ZDHHC11: variants seen among roughly 807,000 people sequenced by gnomAD.
ZDHHC11 encodes the protein palmitoyltransferase ZDHHC11.
A neutral mutation model predicts 51.3 loss-of-function variants in ZDHHC11; 44 were observed. The observed-to-expected ratio is 0.86, with a 90% CI of 0.67 to 1.10. The LOEUF (loss-of-function observed/expected upper bound fraction) is 1.10. ZDHHC11 is among the 50% of genes least tolerant of loss of function. ZDHHC11 has a pLI of 0.00. For synonymous variants in ZDHHC11, 163 were observed against 222.0 expected, an observed-to-expected ratio of 0.73 and a Z score of 2.36; for missense variants, 400 against 537.7, an observed-to-expected ratio of 0.74 and a Z score of 2.53.
At chr5:828,531 A>G (rs1228208022) in intron 7 of ZDHHC11, among the ~76,000 whole-genome samples, 4 of 151,404 alleles carry the variant, frequency 2.6e-5, no homozygotes, top group African/African-American at 9.7e-5. Context: ...AAGAAATGAG[A>G]CTGATGAAAA....
rs1267421301 is a variant in ZDHHC11 at position 847,434 on chromosome 5, A to T, written c.503+80T>A. On this transcript the variant is annotated intron_variant, in intron 3 of 12. Coordinates refer to ENST00000283441, the MANE Select transcript of ZDHHC11 (RefSeq NM_024786.3). ...GAGGACCCTCCACCCTTTCAACACG[A>T]TGACCCCTGCCCACAGACCCCTCCC... is the stretch of plus-strand genomic sequence containing the variant. 149 of 1,557,826 alleles carry T rather than the reference A, an allele frequency of 9.6e-5. 3 individuals are homozygous for T. In the Admixed American group the frequency reaches 1.1e-3, roughly 12 times the overall value.
upstream of ZDHHC11, among the ~76,000 whole-genome samples, chr5:853,013 TGGAGGACAGC>T (rs1747513416): frequency 4.3e-5 from 2 of 47,014 alleles, no homozygotes; most frequent in Non-Finnish European, 8.5e-5. Context: ...ACAGACCCCA[TGGAGGACAGC>T]GAGCAGCGGG....
intron 9 of ZDHHC11, among the ~76,000 whole-genome samples, chr5:820,621 C>A (rs1209432894): frequency 6.6e-6 from 1 of 151,014 alleles, no homozygotes; most frequent in African/African-American, 2.4e-5. Context: ...ATGGTGGAGA[C>A]TCTGACTTCC....
intron 6 of ZDHHC11, among the ~76,000 whole-genome samples, chr5:836,558 A>G (rs1405898956): frequency 1.3e-5 from 2 of 149,790 alleles, no homozygotes; most frequent in African/African-American, 4.9e-5. Flanking sequence ...GTCTGTGTGT[A>G]GGTTGTATTG....
In ZDHHC11 at chr5:850,683, G is replaced by A. The variant is rs1747069280; in HGVS notation, c.-81C>T. On this transcript the variant is annotated 5_prime_UTR_variant, in exon 1 of 13. Coordinates refer to ENST00000283441, the MANE Select transcript of ZDHHC11 (RefSeq NM_024786.3). ...CGCCCACTGTCACAGAGACCAAGGGGACTGGGAATGCAGCCGCCAGGACCA... is the reference window on the plus strand; with the variant it reads ...CGCCCACTGTCACAGAGACCAAGGGAACTGGGAATGCAGCCGCCAGGACCA... The A allele has an allele frequency of 1.3e-6, 2 of 1,533,862 alleles. No homozygotes were observed. The highest frequency in any genetic ancestry group is 1.8e-6 in the Non-Finnish European group (2 of 1,127,438).
intron 1 of ZDHHC11, among the ~76,000 whole-genome samples, chr5:857,500 G>A (rs1443445600): frequency 3.3e-5 from 5 of 152,050 alleles, no homozygotes; most frequent in Non-Finnish European, 7.4e-5. Context: ...AGTCTGTCCC[G>A]GTCCCATCCC....
intron 6 of ZDHHC11, among the ~76,000 whole-genome samples, chr5:835,272 G>C (rs542072250): frequency 6.6e-6 from 1 of 151,342 alleles, no homozygotes; most frequent in Non-Finnish European, 1.5e-5. Flanking sequence ...TTTCCATGTG[G>C]ATATCCAATT....
At chr5:799,956 T>C (rs1351305119) in intron 12 of ZDHHC11, among the ~76,000 whole-genome samples, 1 of 151,432 alleles carries the variant, frequency 6.6e-6, no homozygotes, top group South Asian at 2.1e-4. Context: ...CCCTGTGCTA[T>C]GCATCTCAAA....
chr5:808,457 C>T (rs1194355133), intron 11 of ZDHHC11, among the ~76,000 whole-genome samples: 2 of 144,872 alleles, frequency 1.4e-5, no homozygotes, highest in African/African-American at 5.0e-5. Context: ...CCAGCCATGC[C>T]CCACTTCCAG....
upstream of ZDHHC11, among the ~76,000 whole-genome samples, chr5:854,218 G>T (rs1364155707): frequency 6.7e-6 from 1 of 149,268 alleles, no homozygotes. Flanking sequence ...TAGCAAGCCA[G>T]GGGGTCAGAC....
intron 11 of ZDHHC11, among the ~76,000 whole-genome samples, chr5:813,995 T>C (rs1338593086): frequency 6.6e-6 from 1 of 150,792 alleles, no homozygotes; most frequent in Non-Finnish European, 1.5e-5. Flanking sequence ...GAAACTTTAG[T>C]AGAGTGTAGG....
upstream of ZDHHC11, among the ~76,000 whole-genome samples, chr5:853,233 G>A (rs1747566155): frequency 2.3e-5 from 3 of 132,564 alleles, no homozygotes; most frequent in Admixed American, 2.3e-4. Flanking sequence ...GGGGGGCACG[G>A]ACCCCACGGA....
At chr5:821,934 C>T (rs1262872368) in intron 8 of ZDHHC11, 39 bp from the exon 9 acceptor site, 1 of 1,563,100 alleles carries the variant, frequency 6.4e-7, no homozygotes, top group Non-Finnish European at 8.8e-7. Context: ...AATGAATTGA[C>T]ATTGAACTTA....
upstream of ZDHHC11, among the ~76,000 whole-genome samples, chr5:854,438 G>C (rs1347380686): frequency 3.0e-4 from 42 of 138,484 alleles, no homozygotes; most frequent in African/African-American, 1.1e-3. Context: ...AGAGGACAGA[G>C]AGCCGGGGAG....
intron 12 of ZDHHC11, among the ~76,000 whole-genome samples, chr5:796,813 G>C (rs1416598887): frequency 7.2e-5 from 11 of 152,330 alleles, no homozygotes; most frequent in African/African-American, 2.4e-4. Context: ...AGAAAGCTTA[G>C]AGATGAGTGC....
upstream of ZDHHC11, among the ~76,000 whole-genome samples, chr5:859,946 C>T (rs1027488609): frequency 2.6e-5 from 4 of 152,196 alleles, no homozygotes; most frequent in Non-Finnish European, 5.9e-5. Context: ...GACAGGGATG[C>T]ACCCTTTCTG....
chr5:841,734 CA>C lies in ZDHHC11; in HGVS notation c.629-1085del, dbSNP rs1258403042. 1.8e-5 allele frequency: 18 copies of C among 992,834 alleles called. No individual in the cohort carries two copies. In the African/African-American group the frequency reaches 3.0e-4, roughly 16 times the overall value. The allele number at this position is 992,834 out of a possible 1,614,324, so 61.5% of individuals were successfully genotyped here. Reference sequence around the variant, plus strand: ...TCTGTGACACTGGGCTGCCAACACTCAAAACCACACTTCCAAAAATCAGGCG... The same window carrying C: ...TCTGTGACACTGGGCTGCCAACACTCAAACCACACTTCCAAAAATCAGGCG... On this transcript the variant is annotated intron_variant, in intron 4 of 12. Transcript: ENST00000283441.
chr5:849,870 T>C (rs543592568), intron 1 of ZDHHC11: 92 of 157,214 alleles, frequency 5.9e-4, no homozygotes, highest in African/African-American at 1.9e-3. Flanking sequence ...TGCGGGGCCC[T>C]CCAGTCACCC....
chr5:800,196 C>G (rs1196206318), intron 12 of ZDHHC11, among the ~76,000 whole-genome samples: 4 of 151,060 alleles, frequency 2.6e-5, no homozygotes, highest in African/African-American at 9.7e-5. Context: ...AGCACAGGAA[C>G]TCTGAGGATA....
Sources: allele counts gnomAD v4.1 joint callset (sites outside exome capture counted in the v4.1 genomes callset), GRCh38; gene constraint gnomAD v4.1.1; transcripts MANE v1.5; gene names NCBI Gene and HGNC (gene_info 2026-07-23, HGNC 2026-07-21).